Variants in GRM1 observed in about 807,000 individuals in gnomAD.
The protein encoded by GRM1 is glutamate metabotropic receptor 1, also known as metabotropic glutamate receptor 1.
GRM1 carries 33 observed loss-of-function variants against 90.9 expected under a neutral mutation model. That is an observed-to-expected ratio of 0.36 (90% CI 0.28 to 0.49). GRM1 has a LOEUF of 0.49. Among genes scored for constraint, GRM1 ranks in the 20% least tolerant of loss-of-function variants. GRM1 has a pLI of 0.99. For synonymous variants in GRM1, 700 were observed against 613.2 expected (o/e 1.14, Z -2.09); for missense variants, 1,190 against 1,534.3 (o/e 0.78, Z 3.75).
intron 1 of GRM1, among the ~76,000 whole-genome samples, chr6:146,111,066 G>A (rs1286532167): frequency 2.0e-5 from 3 of 152,212 alleles, no homozygotes; most frequent in African/African-American, 7.2e-5. Flanking sequence ...ATTAAGCAAT[G>A]TTCCAGGGTG....
At chr6:146,310,815 C>T (rs750674787) in intron 3 of GRM1, among the ~76,000 whole-genome samples, 12 of 152,162 alleles carry the variant, frequency 7.9e-5, no homozygotes, top group Non-Finnish European at 1.6e-4. Context: ...CAGTCCCTGG[C>T]CAACCCACCA....
At chr6:146,187,087 CA>C (rs1778761819) in intron 2 of GRM1, among the ~76,000 whole-genome samples, 1 of 152,128 alleles carries the variant, frequency 6.6e-6, no homozygotes, top group Non-Finnish European at 1.5e-5. Context: ...TATCGGTTAT[CA>C]GCATTAAAGA....
chr6:146,273,828 GT>G (rs1430204789), intron 2 of GRM1, among the ~76,000 whole-genome samples: 1 of 152,192 alleles, frequency 6.6e-6, no homozygotes, highest in Non-Finnish European at 1.5e-5. Context: ...ATTACAAGTA[GT>G]TACATGAAAA....
intron 2 of GRM1, among the ~76,000 whole-genome samples, chr6:146,168,080 A>G (rs966926040): frequency 3.9e-5 from 6 of 152,022 alleles, no homozygotes; most frequent in Non-Finnish European, 5.9e-5. Context: ...CTTTTTATGT[A>G]AGAATATCCC....
intron 1 of GRM1, among the ~76,000 whole-genome samples, chr6:146,084,534 T>A (rs1446083929): frequency 1.3e-5 from 2 of 152,216 alleles, no homozygotes; most frequent in Non-Finnish European, 2.9e-5. Flanking sequence ...AATTTCTATG[T>A]AATTGTGTGG....
At chr6:146,064,499 C>G (rs1380379461) in intron 1 of GRM1, among the ~76,000 whole-genome samples, 2 of 152,060 alleles carry the variant, frequency 1.3e-5, no homozygotes, top group Non-Finnish European at 2.9e-5. Flanking sequence ...AAACATATGA[C>G]AACATTTGTG....
At chr6:146,138,272 G>C (rs957676726) in intron 1 of GRM1, among the ~76,000 whole-genome samples, 1 of 151,966 alleles carries the variant, frequency 6.6e-6, no homozygotes, top group East Asian at 1.9e-4. Flanking sequence ...TTCCCCATCA[G>C]TATGATACTA....
At chr6:146,108,565 A>T (rs1221313998) in intron 1 of GRM1, among the ~76,000 whole-genome samples, 3 of 152,216 alleles carry the variant, frequency 2.0e-5, no homozygotes, top group Non-Finnish European at 4.4e-5. Context: ...TAAATTGCCC[A>T]GTCTCAGGTA....
chr6:146,381,174 G>A (rs1213022528), intron 5 of GRM1, among the ~76,000 whole-genome samples: 5 of 152,142 alleles, frequency 3.3e-5, no homozygotes, highest in African/African-American at 7.2e-5. Flanking sequence ...CTGTCTCTGG[G>A]CCTAGTTCAG....
intron 7 of GRM1, among the ~76,000 whole-genome samples, chr6:146,425,699 T>C (rs1343157744): frequency 6.6e-6 from 1 of 152,222 alleles, no homozygotes; most frequent in Non-Finnish European, 1.5e-5. Context: ...TGCTGATAGT[T>C]CACCCTAAGC....
intron 1 of GRM1, among the ~76,000 whole-genome samples, chr6:146,101,819 ATAT>A (rs1186126020): frequency 4.0e-5 from 6 of 148,822 alleles, no homozygotes; most frequent in Non-Finnish European, 7.4e-5. Flanking sequence ...CTATAATTAT[ATAT>A]TATTACTGTA....
intron 1 of GRM1, among the ~76,000 whole-genome samples, chr6:146,094,897 A>G (rs1776827204): frequency 6.6e-6 from 1 of 152,108 alleles, no homozygotes; most frequent in Non-Finnish European, 1.5e-5. Context: ...AGCTGCCACA[A>G]GACAATTCCT....
At chr6:146,151,621 A>G (rs1161417632) in intron 1 of GRM1, among the ~76,000 whole-genome samples, 2 of 152,184 alleles carry the variant, frequency 1.3e-5, no homozygotes, top group Admixed American at 6.5e-5. Context: ...CTAAGTCACT[A>G]TAAATCAATT....
rs1160192663 is a variant in GRM1, at chr6:146,434,625, C to T, written c.3414C>T (p.Thr1138=). The change falls in exon 8 of 8, where the codon ACC becomes ACT. Residue 1138 remains threonine, a synonymous_variant. Transcript: ENST00000282753. ...ACCTGCAGGCGGCCAGCAAACTGACCCCGGATGATTCGCCTGCGCTGACGC... is the reference window on the plus strand; with the variant it reads ...ACCTGCAGGCGGCCAGCAAACTGACTCCGGATGATTCGCCTGCGCTGACGC... ...EEDLQAASKL[T]PDDSPALTPP... 11 of 1,612,392 alleles carry T rather than the reference C, an allele frequency of 6.8e-6. No homozygotes were observed. The highest frequency in any genetic ancestry group is 1.6e-4 in the Middle Eastern group (1 of 6,062).
chr6:146,284,540 G>T (rs76191605), intron 2 of GRM1, among the ~76,000 whole-genome samples: 1 of 152,026 alleles, frequency 6.6e-6, no homozygotes, highest in Admixed American at 6.6e-5. Flanking sequence ...CCCAAATCTC[G>T]CCTGGTATTG....
At chr6:146,112,510 C>A (rs1182161781) in intron 1 of GRM1, among the ~76,000 whole-genome samples, 1 of 152,058 alleles carries the variant, frequency 6.6e-6, no homozygotes, top group East Asian at 1.9e-4. Flanking sequence ...TGCTTTATAG[C>A]ATGTATTCTT....
chr6:146,274,003 C>T (rs924993726), intron 2 of GRM1, among the ~76,000 whole-genome samples: 1 of 152,186 alleles, frequency 6.6e-6, no homozygotes, highest in Non-Finnish European at 1.5e-5. Context: ...AGGAATAAAA[C>T]ATGTATTACA....
chr6:146,350,125 A>C (rs537277323), intron 3 of GRM1, among the ~76,000 whole-genome samples: 5 of 152,262 alleles, frequency 3.3e-5, no homozygotes, highest in African/African-American at 4.8e-5. Flanking sequence ...ATCCAAGAAC[A>C]GTTCCTGTCT....
intron 6 of GRM1, among the ~76,000 whole-genome samples, chr6:146,390,569 C>T (rs528606042): frequency 2.0e-5 from 3 of 151,564 alleles, no homozygotes; most frequent in East Asian, 1.9e-4. Context: ...AGACAGACTA[C>T]GCTACATTTT....
Sources: gnomAD v4.1 joint callset for allele counts (sites outside exome capture counted in the v4.1 genomes callset) on GRCh38, gnomAD v4.1.1 for gene constraint, MANE v1.5 for transcripts, NCBI Gene and HGNC (gene_info 2026-07-23, HGNC 2026-07-21) for gene names.